CSMD3: variants seen among roughly 807,000 people sequenced by gnomAD.
CSMD3 encodes the protein CUB and Sushi multiple domains 3.
Under a neutral mutation model 435.2 loss-of-function variants are expected in CSMD3, and 177 were observed. The ratio of observed to expected loss-of-function variants is 0.41; its 90% confidence interval spans 0.36 to 0.46. The LOEUF is 0.46. CSMD3 is among the 20% of genes least tolerant of loss of function. CSMD3 has a pLI of 0.34. For synonymous variants in CSMD3, 1,656 were observed against 1,520.5 expected, an observed-to-expected ratio of 1.09 and a Z score of -2.07; for missense variants, 4,265 against 4,504.6, an observed-to-expected ratio of 0.95 and a Z score of 1.52.
At chr8:113,073,252 C>T (rs1225422896) in intron 5 of CSMD3, among the ~76,000 whole-genome samples, 1 of 151,718 alleles carries the variant, frequency 6.6e-6, no homozygotes, top group East Asian at 1.9e-4. Context: ...GGAGCTGACT[C>T]GTTTCTGCAC....
intron 1 of CSMD3, among the ~76,000 whole-genome samples, chr8:113,380,943 G>A (rs977218919): frequency 2.6e-5 from 4 of 151,944 alleles, no homozygotes; most frequent in Admixed American, 6.6e-5. Context: ...AAGAGAAAAA[G>A]GCAAACCTCA....
In CSMD3 at chr8:112,884,693, A is replaced by T. The variant is rs569336789; in HGVS notation, c.1634-25427T>A. On this transcript the variant is annotated intron_variant, in intron 10 of 70. Coordinates refer to ENST00000297405, the MANE Select transcript of CSMD3 (RefSeq NM_198123.2). The stretch of plus-strand genomic sequence containing the variant: ...GGGACATCTTTTTTTTTTTCCACCT[A>T]ATCTCTTTAATTTTTGCTTATCTCC... Among the ~76,000 whole-genome samples, 5 of 151,422 alleles carry T rather than the reference A, an allele frequency of 3.3e-5. No individual in the cohort carries two copies. In the South Asian group the frequency reaches 1.0e-3, roughly 32 times the overall value.
At chr8:112,256,778 C>T (rs1815846347) in intron 61 of CSMD3, among the ~76,000 whole-genome samples, 1 of 152,200 alleles carries the variant, frequency 6.6e-6, no homozygotes, top group Admixed American at 6.5e-5. Context: ...CTGAAGCAAA[C>T]AAACAGCAAC....
chr8:112,606,644 A>G (rs1832812871), intron 22 of CSMD3, among the ~76,000 whole-genome samples: 1 of 152,188 alleles, frequency 6.6e-6, no homozygotes. Flanking sequence ...TTAGGTCACA[A>G]AACAAGTCCG....
At chr8:112,309,871 G>A (rs1240474784) in intron 50 of CSMD3, among the ~76,000 whole-genome samples, 1 of 152,024 alleles carries the variant, frequency 6.6e-6, no homozygotes, top group African/African-American at 2.4e-5. Flanking sequence ...ATTATTGGTT[G>A]ATTTTAAATT....
intron 9 of CSMD3, among the ~76,000 whole-genome samples, chr8:112,934,900 A>G (rs1397461017): frequency 6.6e-6 from 1 of 151,974 alleles, no homozygotes; most frequent in African/African-American, 2.4e-5. Context: ...TCTGTGCAAA[A>G]GTTTTTATCT....
chr8:113,026,995 A>T (rs2086899688), intron 5 of CSMD3, among the ~76,000 whole-genome samples: 1 of 152,172 alleles, frequency 6.6e-6, no homozygotes. Context: ...CAAACTGTAG[A>T]TAATGAATTA....
At chr8:113,183,309 G>A (rs1297112752) in intron 3 of CSMD3, among the ~76,000 whole-genome samples, 1 of 152,000 alleles carries the variant, frequency 6.6e-6, no homozygotes, top group African/African-American at 2.4e-5. Context: ...CCAGAGTTTT[G>A]CAGATGACTC....
At chr8:112,285,867 T>C (rs1175946656) in intron 58 of CSMD3, among the ~76,000 whole-genome samples, 1 of 151,868 alleles carries the variant, frequency 6.6e-6, no homozygotes, top group East Asian at 1.9e-4. Context: ...TACAGGCATA[T>C]GCCACCACAC....
intron 2 of CSMD3, among the ~76,000 whole-genome samples, chr8:113,290,047 G>A (rs990101435): frequency 1.3e-5 from 2 of 151,500 alleles, no homozygotes; most frequent in Non-Finnish European, 3.0e-5. Flanking sequence ...AGTAATTAGA[G>A]GGTTTGCACA....
chr8:112,389,451 G>A (rs973784420), intron 36 of CSMD3, among the ~76,000 whole-genome samples: 1 of 152,118 alleles, frequency 6.6e-6, no homozygotes, highest in Non-Finnish European at 1.5e-5. Flanking sequence ...TTGACAAATT[G>A]TCTATAAACT....
chr8:113,312,482 A>C (rs1236467528), intron 2 of CSMD3: 1 of 152,140 alleles, frequency 6.6e-6, no homozygotes, highest in African/African-American at 2.4e-5. Context: ...GAGAACAATA[A>C]ATTTATTTTC....
chr8:113,260,069 C>T (rs1442939861), intron 3 of CSMD3, among the ~76,000 whole-genome samples: 2 of 152,132 alleles, frequency 1.3e-5, no homozygotes, highest in African/African-American at 4.8e-5. Context: ...ATGTTTCCTT[C>T]CCCTTCCACC....
intron 24 of CSMD3, among the ~76,000 whole-genome samples, chr8:112,572,033 T>C (rs1358941680): frequency 1.3e-5 from 2 of 151,078 alleles, no homozygotes; most frequent in African/African-American, 2.4e-5. Flanking sequence ...GAGGACAGCA[T>C]ATTTAAAAAA....
intron 5 of CSMD3, among the ~76,000 whole-genome samples, chr8:113,033,690 GA>G (rs1341501868): frequency 6.6e-6 from 1 of 151,136 alleles, no homozygotes; most frequent in Non-Finnish European, 1.5e-5. Context: ...GTTAATGCTG[GA>G]ATAAGTTAAG....
intron 3 of CSMD3, among the ~76,000 whole-genome samples, chr8:113,214,918 C>T (rs1353854319): frequency 1.3e-5 from 2 of 151,600 alleles, no homozygotes; most frequent in East Asian, 1.9e-4. Flanking sequence ...GAAATATTAT[C>T]GAATTCTATA....
At chr8:113,398,868 C>A (rs897880485) in intron 1 of CSMD3, among the ~76,000 whole-genome samples, 1 of 151,378 alleles carries the variant, frequency 6.6e-6, no homozygotes, top group Non-Finnish European at 1.5e-5. Flanking sequence ...GCTTGGAAGC[C>A]ATGAAGAGTA....
chr8:112,946,997 AAAT>A (rs1237439418), intron 9 of CSMD3, among the ~76,000 whole-genome samples: 1 of 151,704 alleles, frequency 6.6e-6, no homozygotes, highest in Non-Finnish European at 1.5e-5. Context: ...GAATAAGTAA[AAAT>A]AAAAAATATG....
intron 38 of CSMD3, among the ~76,000 whole-genome samples, chr8:112,361,737 A>C (rs1402213043): frequency 6.6e-6 from 1 of 150,900 alleles, no homozygotes; most frequent in African/African-American, 2.4e-5. Flanking sequence ...TTGTTAAAGG[A>C]AAAACTCATT....
Sources: gnomAD v4.1 joint callset for allele counts (sites outside exome capture counted in the v4.1 genomes callset) on GRCh38, gnomAD v4.1.1 for gene constraint, MANE v1.5 for transcripts, NCBI Gene and HGNC (gene_info 2026-07-23, HGNC 2026-07-21) for gene names.